Variants in ALDH1L1 observed in about 807,000 individuals in gnomAD.
ALDH1L1 encodes the protein cytosolic 10-formyltetrahydrofolate dehydrogenase.
A neutral mutation model predicts 101.1 loss-of-function variants in ALDH1L1; 68 were observed. The observed-to-expected ratio is 0.67, with a 90% CI of 0.55 to 0.82. The LOEUF (loss-of-function observed/expected upper bound fraction) is 0.82, where lower values mean the gene tolerates loss of function less well. ALDH1L1 is among the 40% of genes least tolerant of loss of function. ALDH1L1 has a pLI of 0.00. For synonymous variants in ALDH1L1, 486 were observed against 470.8 expected (o/e 1.03, Z -0.42); for missense variants, 1,087 against 1,172.7 (o/e 0.93, Z 1.07).
At chr3:126,157,892 G>T (rs963421944) in intron 3 of ALDH1L1, among the ~76,000 whole-genome samples, 5 of 152,066 alleles carry the variant, frequency 3.3e-5, no homozygotes, top group Non-Finnish European at 7.4e-5. Context: ...TTCCCTCTTT[G>T]ACCACCCATC....
At chr3:126,150,166 A>G (rs2080779644) in intron 8 of ALDH1L1, among the ~76,000 whole-genome samples, 1 of 152,240 alleles carries the variant, frequency 6.6e-6, no homozygotes, top group Non-Finnish European at 1.5e-5. Context: ...AGTGTTGACA[A>G]TGAGCCCCTA....
Position 126,155,482 on chromosome 3 carries a change from C to G in ALDH1L1, c.550G>C (p.Ala184Pro). ...GGGAGTCTGGGGGCTTTGCCCTCAG[C>G]GATCAGCCTCACGGCCTGCACCTGG... The part of the protein sequence containing the change: ...KGMVQAVRLI[A>P]EGKAPRLPQP... The change falls in exon 5 of 23, where the codon GCT becomes CCT. Residue 184 changes from alanine to proline, a missense_variant. Ala to Pro is a conservative substitution (Grantham distance 27). Around this residue, in one of 2 missense-constraint regions of ALDH1L1, gnomAD observed 645 missense variants for 637.0 expected, o/e 1.01. Coordinates refer to ENST00000393434, the MANE Select transcript of ALDH1L1 (RefSeq NM_012190.4). 1.2e-6 allele frequency: 2 copies of G among 1,612,680 alleles called. No homozygotes were observed. Among genetic ancestry groups the G allele is most frequent in the Non-Finnish European group, 1.7e-6 (2 of 1,179,522 alleles).
rs774446176 is a variant in ALDH1L1, at chr3:126,118,113, G to A, written c.1889-15C>T. ...GACCAGGGAGCCTGTGGGCGGGAGG[G>A]AGGGGGGAATCAGAGTGGTCCCCCT... On this transcript the variant is annotated splice_polypyrimidine_tract_variant and intron_variant, in intron 16 of 22. Coordinates refer to ENST00000393434, the MANE Select transcript of ALDH1L1 (RefSeq NM_012190.4). 4 of 1,591,762 alleles carry A rather than the reference G, an allele frequency of 2.5e-6. 1 individual carries two copies. The highest frequency in any genetic ancestry group is 2.7e-5 in the African/African-American group (2 of 74,618).
chr3:126,154,744 T>C (rs2080872306), intron 5 of ALDH1L1, 101 bp from the exon 6 acceptor site: 5 of 1,050,170 alleles, frequency 4.8e-6, no homozygotes, highest in Non-Finnish European at 7.3e-6. Context: ...AGACAGCTGG[T>C]AACCCCAGCT....
chr3:126,167,398 T>C (rs1334641412), intron 1 of ALDH1L1, among the ~76,000 whole-genome samples: 1 of 152,066 alleles, frequency 6.6e-6, no homozygotes, highest in Non-Finnish European at 1.5e-5. Flanking sequence ...AGCTCTAACC[T>C]AAAAAGGCAA....
At chr3:126,179,000 C>T (rs967496564) in intron 1 of ALDH1L1, among the ~76,000 whole-genome samples, 2 of 152,008 alleles carry the variant, frequency 1.3e-5, no homozygotes, top group African/African-American at 4.8e-5. Flanking sequence ...TCCAGGTGGC[C>T]ACCAAGGGGC....
At chr3:126,176,072 T>TA (rs2081360315) in intron 1 of ALDH1L1, among the ~76,000 whole-genome samples, 1 of 152,172 alleles carries the variant, frequency 6.6e-6, no homozygotes, top group Non-Finnish European at 1.5e-5. Context: ...AATTTGAGAT[T>TA]AAAAACACAA....
At chr3:126,168,182 A>G (rs1252110874) in intron 1 of ALDH1L1, among the ~76,000 whole-genome samples, 6 of 152,156 alleles carry the variant, frequency 3.9e-5, no homozygotes, top group Non-Finnish European at 5.9e-5. Flanking sequence ...CTGCAAATAA[A>G]ACTCTTGTGT....
intron 12 of ALDH1L1, among the ~76,000 whole-genome samples, chr3:126,131,756 G>A (rs1440407944): frequency 6.6e-6 from 1 of 152,196 alleles, no homozygotes; most frequent in Non-Finnish European, 1.5e-5. Context: ...TCCTTTCCTC[G>A]ATCTTCCCTC....
At position 126,180,585 on chromosome 3, in the gene ALDH1L1, G is replaced by T. The variant is rs2081457673; in HGVS notation, c.-133C>A. On this transcript the variant is annotated 5_prime_UTR_variant, in exon 1 of 23. Transcript: ENST00000393434. ...TCCTGGGAGCCAGGAGGTGGGACCT[G>T]TCCCCGCCAGTCCGCGAGCTCTGGT... is the stretch of plus-strand genomic sequence containing the variant. 3.4e-6 allele frequency: 4 copies of T among 1,182,876 alleles called. No individual in the cohort carries two copies. The South Asian group carries it at 9.0e-5, about 27-fold the overall frequency. The allele number at this position is 1,182,876 out of a possible 1,614,324, so 73.3% of individuals were successfully genotyped here. A position where few individuals can be genotyped will look rare whatever the true frequency, so the allele number is the denominator to read the frequency against.
chr3:126,127,482 A>G (rs3772419), intron 14 of ALDH1L1, among the ~76,000 whole-genome samples: 96,091 of 151,814 alleles, frequency 0.63, 30,495 homozygotes, highest in Middle Eastern at 0.72. Context: ...GGGGAGCTGC[A>G]TGGACGGTGA....
At chr3:126,146,280 C>T (rs887888221) in intron 9 of ALDH1L1, among the ~76,000 whole-genome samples, 1 of 152,052 alleles carries the variant, frequency 6.6e-6, no homozygotes, top group Admixed American at 6.6e-5. Context: ...ACTCTGAGAC[C>T]CCCTCCCTGG....
chr3:126,153,421 G>A, intron 7 of ALDH1L1, 23 bp downstream of exon 7: 3 of 1,612,110 alleles, frequency 1.9e-6, no homozygotes, highest in Non-Finnish European at 2.5e-6. Context: ...GAGCAGGCAA[G>A]TGACCCACAG....
exon 1 of ALDH1L1, chr3:126,197,798 C>G (rs1457438424): frequency 6.6e-6 from 1 of 152,136 alleles, no homozygotes; most frequent in Admixed American, 6.6e-5. Context: ...CCGCTTCTGA[C>G]ACCATGTTAA....
chr3:126,168,228 T>A (rs183542920), intron 1 of ALDH1L1, among the ~76,000 whole-genome samples: 3 of 152,282 alleles, frequency 2.0e-5, no homozygotes, highest in Admixed American at 1.3e-4. Context: ...GAGTATTATA[T>A]GCTTTTTTTC....
chr3:126,113,815 C>A (rs1434231814), intron 18 of ALDH1L1, among the ~76,000 whole-genome samples: 2 of 152,206 alleles, frequency 1.3e-5, no homozygotes, highest in Non-Finnish European at 2.9e-5. Flanking sequence ...AAGGCAACAA[C>A]AATACTAATG....
At chr3:126,192,354 C>T (rs886342636) in intron 1 of ALDH1L1, among the ~76,000 whole-genome samples, 12 of 152,196 alleles carry the variant, frequency 7.9e-5, no homozygotes, top group African/African-American at 2.4e-4. Context: ...GGATAATTTA[C>T]ATAAAGGTTT....
At chr3:126,141,734 T>C (rs1437767064) in intron 9 of ALDH1L1, among the ~76,000 whole-genome samples, 1 of 151,804 alleles carries the variant, frequency 6.6e-6, no homozygotes, top group African/African-American at 2.4e-5. Flanking sequence ...CAGGTGTAAA[T>C]ACATACTTAG....
At chr3:126,159,181 T>C (rs554431596) in intron 2 of ALDH1L1, among the ~76,000 whole-genome samples, 1 of 152,078 alleles carries the variant, frequency 6.6e-6, no homozygotes, top group African/African-American at 2.4e-5. Flanking sequence ...AATCAGTTTT[T>C]CCATCATCTG....
Sources: allele counts gnomAD v4.1 joint callset (sites outside exome capture counted in the v4.1 genomes callset), GRCh38; gene constraint gnomAD v4.1.1; regional missense constraint gnomAD v4.1.1; transcripts MANE v1.5; gene names NCBI Gene and HGNC (gene_info 2026-07-23, HGNC 2026-07-21).